The following NAP1L1 variants were observed in gnomAD, a reference collection of about 807,000 sequenced individuals.
NAP1L1 encodes nucleosome assembly protein 1-like 1.
A neutral mutation model predicts 58.9 loss-of-function variants in NAP1L1; 9 were observed. That is an observed-to-expected ratio of 0.15 (90% CI 0.09 to 0.27). NAP1L1 has a LOEUF of 0.27. Among genes scored for constraint, NAP1L1 ranks in the 10% least tolerant of loss-of-function variants. The pLI is 1.00. For synonymous variants in NAP1L1, 130 were observed against 138.3 expected, an observed-to-expected ratio of 0.94 and a Z score of 0.42; for missense variants, 302 against 458.8, an observed-to-expected ratio of 0.66 and a Z score of 3.12.
chr12:76,058,210 T>C (rs1357092077), intron 6 of NAP1L1: 4 of 235,656 alleles, frequency 1.7e-5, no homozygotes, highest in East Asian at 1.7e-4. Context: ...TATATATATA[T>C]ATATATATAT....
chr12:76,078,095 C>T (rs1168092927), intron 1 of NAP1L1, among the ~76,000 whole-genome samples: 1 of 151,454 alleles, frequency 6.6e-6, no homozygotes, highest in Non-Finnish European at 1.5e-5. Context: ...TAAGGAATCA[C>T]CAGCCCAAAA....
At chr12:76,071,587 T>C (rs1949955969) in intron 2 of NAP1L1, among the ~76,000 whole-genome samples, 1 of 152,058 alleles carries the variant, frequency 6.6e-6, no homozygotes, top group South Asian at 2.1e-4. Flanking sequence ...AAATCTAAGA[T>C]TAGCAGTGGG....
chr12:76,053,005 A>C, intron 11 of NAP1L1, 86 bp downstream of exon 11: 1 of 1,316,276 alleles, frequency 7.6e-7, no homozygotes, highest in Non-Finnish European at 1.1e-6. Flanking sequence ...CAATGTAACA[A>C]CCATCCCACT....
In NAP1L1 at chr12:76,037,492, T is replaced by G. The variant is rs1592592630; in HGVS notation, c.*10937A>C. On this transcript the variant is annotated 3_prime_UTR_variant, in exon 15 of 15. Coordinates refer to ENST00000618691, the MANE Select transcript of NAP1L1 (RefSeq NM_004537.7). The stretch of plus-strand genomic sequence containing the variant: ...GGTGGCCCAATCACCTGATCCATAC[T>G]CATACACATGGCCTTCAGTTTTACT... The G allele has an allele frequency of 6.6e-6, 1 of 152,426 alleles. No individual in the cohort carries two copies. The highest frequency in any genetic ancestry group is 1.9e-4 in the East Asian group (1 of 5,186). The allele number at this position is 152,426 out of a possible 1,614,324, so 9.4% of individuals were successfully genotyped here.
At chr12:76,059,625 CTG>C (rs1291118901) in intron 6 of NAP1L1, 171 bp downstream of exon 6, 2 of 550,664 alleles carry the variant, frequency 3.6e-6, no homozygotes, top group Admixed American at 3.8e-5. Flanking sequence ...TCTTGAATGA[CTG>C]TTTTTTAAAA....
intron 6 of NAP1L1, chr12:76,058,154 C>A: frequency 1.5e-6 from 1 of 652,188 alleles, no homozygotes; most frequent in South Asian, 1.4e-5. Context: ...AGTTAATGGC[C>A]TGAACTGACA....
At chr12:76,056,294 G>A (rs747956795) in intron 6 of NAP1L1, 133 bp from the exon 7 acceptor site, 17 of 877,632 alleles carry the variant, frequency 1.9e-5, no homozygotes, top group Non-Finnish European at 2.4e-5. Flanking sequence ...TGTAAACACC[G>A]CCGTTGCCCA....
intron 6 of NAP1L1, chr12:76,058,181 G>T: frequency 2.0e-6 from 1 of 504,582 alleles, no homozygotes; most frequent in Non-Finnish European, 3.6e-6. Flanking sequence ...ATGGCCAAAG[G>T]GAGAGAGGCC....
rs1949740289 is a variant in NAP1L1, at chr12:76,067,581, C to T, written c.104-108G>A. On this transcript the variant is annotated intron_variant, in intron 3 of 14. Transcript: ENST00000618691. Reference sequence around the variant, plus strand: ...GTTTTCCTAACTGGCCCATAAATTGCTGGTATATCTAATGAGTAGAGACGG... The same window carrying T: ...GTTTTCCTAACTGGCCCATAAATTGTTGGTATATCTAATGAGTAGAGACGG... 10 of 789,934 alleles carry T rather than the reference C, an allele frequency of 1.3e-5. No homozygotes were observed. In the Admixed American group the frequency reaches 1.9e-4, roughly 15 times the overall value. 48.9% of individuals were successfully genotyped at this position (789,934 alleles called of 1,614,324 possible).
chr12:76,045,786 C>CT lies in NAP1L1; in HGVS notation c.*2642dup, dbSNP rs1426000963. ...TTGAGTGACCATAAAGCAAACAACT[C>CT]TAAAATTTTTTCATATCAGTTTTCT... On this transcript the variant is annotated 3_prime_UTR_variant, in exon 15 of 15. Coordinates refer to ENST00000618691, the MANE Select transcript of NAP1L1 (RefSeq NM_004537.7). The CT allele has an allele frequency of 6.6e-6, 1 of 151,982 alleles. No homozygotes were observed. Among genetic ancestry groups the CT allele is most frequent in the Non-Finnish European group, 1.5e-5 (1 of 67,884 alleles). The allele number at this position is 151,982 out of a possible 1,614,324, so 9.4% of individuals were successfully genotyped here.
chr12:76,074,858 G>GTACA (rs1172320321), intron 1 of NAP1L1, among the ~76,000 whole-genome samples: 7 of 152,002 alleles, frequency 4.6e-5, no homozygotes, highest in Non-Finnish European at 5.9e-5. Flanking sequence ...CTCTCCAAAT[G>GTACA]TACATGTACC....
intron 4 of NAP1L1, among the ~76,000 whole-genome samples, chr12:76,060,817 G>A (rs1021644319): frequency 4.6e-5 from 7 of 152,186 alleles, no homozygotes; most frequent in Non-Finnish European, 8.8e-5. Context: ...TTAGGGCCAG[G>A]TGCTATGGCT....
chr12:76,071,758 A>G (rs1171249555), intron 2 of NAP1L1, among the ~76,000 whole-genome samples: 3 of 152,230 alleles, frequency 2.0e-5, no homozygotes, highest in Non-Finnish European at 4.4e-5. Context: ...TCTCTACACT[A>G]GCAGAAATAT....
intron 2 of NAP1L1, among the ~76,000 whole-genome samples, chr12:76,069,756 C>A (rs1180101090): frequency 6.6e-6 from 1 of 151,796 alleles, no homozygotes; most frequent in African/African-American, 2.4e-5. Flanking sequence ...TAGAACAAAG[C>A]CAAGATGATA....
chr12:76,059,676 T>A, intron 6 of NAP1L1, 122 bp downstream of exon 6: 1 of 699,500 alleles, frequency 1.4e-6, no homozygotes, highest in Non-Finnish European at 2.4e-6. Flanking sequence ...GACGTAAAAT[T>A]AAAAAATGAA....
At chr12:76,056,753 T>C (rs1306717302) in intron 6 of NAP1L1, 4 of 411,794 alleles carry the variant, frequency 9.7e-6, no homozygotes, top group Non-Finnish European at 1.9e-5. Context: ...TGGCTCACGC[T>C]TGTAATCCCA....
intron 1 of NAP1L1, among the ~76,000 whole-genome samples, chr12:76,079,283 T>G (rs188910456): frequency 1.3e-5 from 2 of 152,286 alleles, no homozygotes; most frequent in East Asian, 3.9e-4. Context: ...CTCAGCACTT[T>G]GGAAGGCTGG....
Position 76,068,380 on chromosome 12 carries a change from T to C in NAP1L1, c.103+529A>G, listed in dbSNP as rs114896355. Among the ~76,000 whole-genome samples, 377 of 152,242 alleles carry C rather than the reference T, an allele frequency of 2.5e-3. 4 individuals are homozygous for C. The highest frequency in any genetic ancestry group is 8.1e-3 in the African/African-American group (338 of 41,546). On this transcript the variant is annotated intron_variant, in intron 3 of 14. Coordinates refer to ENST00000618691, the MANE Select transcript of NAP1L1 (RefSeq NM_004537.7). ...CTTAAAAATGAAAAGCTGAGTCATC[T>C]GGTACCTTAATATTCTTGGCGCAGA...
chr12:76,061,727 T>C (rs1949425768), intron 4 of NAP1L1, among the ~76,000 whole-genome samples: 1 of 152,240 alleles, frequency 6.6e-6, no homozygotes, highest in African/African-American at 2.4e-5. Context: ...CACAAACTTT[T>C]GTAAATCAAA....
Sources: allele counts gnomAD v4.1 joint callset (sites outside exome capture counted in the v4.1 genomes callset), GRCh38; gene constraint gnomAD v4.1.1; transcripts MANE v1.5; gene names NCBI Gene and HGNC (gene_info 2026-07-23, HGNC 2026-07-21).